NCKAP5: variants seen among roughly 807,000 people sequenced by gnomAD.
The protein encoded by NCKAP5 is nck-associated protein 5.
In NCKAP5, 92 loss-of-function variants were observed where a neutral mutation model predicts 167.0. The ratio of observed to expected loss-of-function variants is 0.55; its 90% CI spans 0.47 to 0.66. The LOEUF (loss-of-function observed/expected upper bound fraction) is 0.66, where lower values mean the gene tolerates loss of function less well. NCKAP5 is among the 30% of genes least tolerant of loss of function. The pLI, the probability that NCKAP5 is intolerant of heterozygous loss-of-function variation, is 0.00. For synonymous variants in NCKAP5, 891 were observed against 877.4 expected (o/e 1.02, Z -0.27); for missense variants, 2,378 against 2,315.0 (o/e 1.03, Z -0.56).
intron 4 of NCKAP5, among the ~76,000 whole-genome samples, chr2:133,249,943 G>A (rs1216802072): frequency 2.6e-5 from 4 of 151,508 alleles, no homozygotes; most frequent in Admixed American, 6.6e-5. Flanking sequence ...CGTAAAGAAG[G>A]CAGGTGAAGA....
chr2:133,361,956 TG>T (rs986732725), intron 3 of NCKAP5, among the ~76,000 whole-genome samples: 1 of 151,810 alleles, frequency 6.6e-6, no homozygotes, highest in Non-Finnish European at 1.5e-5. Flanking sequence ...AAAGAGTGTA[TG>T]GTAAGAAGAA....
At chr2:133,060,974 A>G (rs2079978719) in intron 6 of NCKAP5, among the ~76,000 whole-genome samples, 2 of 152,102 alleles carry the variant, frequency 1.3e-5, no homozygotes, top group South Asian at 4.2e-4. Context: ...TTGCCTACGA[A>G]GCTGCAGCTA....
At chr2:133,114,170 A>G (rs2082002562) in intron 6 of NCKAP5, among the ~76,000 whole-genome samples, 1 of 152,242 alleles carries the variant, frequency 6.6e-6, no homozygotes, top group Admixed American at 6.5e-5. Context: ...CTTGCAAATA[A>G]GAGTAATTGT....
intron 19 of NCKAP5, chr2:132,714,895 A>G: frequency 2.2e-6 from 1 of 456,178 alleles, no homozygotes; most frequent in Non-Finnish European, 4.4e-6. Flanking sequence ...GGCATTTCTA[A>G]CATACCCAGC....
intron 5 of NCKAP5, among the ~76,000 whole-genome samples, chr2:133,131,965 G>C (rs1249101784): frequency 1.6e-5 from 2 of 129,006 alleles, no homozygotes; most frequent in Non-Finnish European, 3.4e-5. Flanking sequence ...CCAGAAACAG[G>C]CCAAAAAAAA....
At chr2:133,423,875 T>C (rs528443557) in intron 3 of NCKAP5, among the ~76,000 whole-genome samples, 24 of 152,288 alleles carry the variant, frequency 1.6e-4, no homozygotes, top group African/African-American at 5.3e-4. Context: ...CTTTACAAAA[T>C]ACAAGAAAGG....
the NCKAP5 span, among the ~76,000 whole-genome samples, chr2:133,602,938 G>A: frequency 2.0e-5 from 3 of 152,200 alleles, no homozygotes; most frequent in African/African-American, 7.2e-5. Flanking sequence ...AAAATTTGTA[G>A]TCACAGGCAG....
intron 4 of NCKAP5, among the ~76,000 whole-genome samples, chr2:133,291,210 T>G (rs1359954089): frequency 2.0e-5 from 3 of 152,100 alleles, no homozygotes; most frequent in African/African-American, 2.4e-5. Flanking sequence ...TGATGAGAGA[T>G]AGAGGAATGG....
chr2:132,821,550 G>C (rs1686734200), intron 11 of NCKAP5, among the ~76,000 whole-genome samples: 1 of 152,156 alleles, frequency 6.6e-6, no homozygotes, highest in South Asian at 2.1e-4. Context: ...GAGTCCAGGG[G>C]ACCAGCAGGA....
At chr2:133,217,702 C>G (rs1426357563) in intron 4 of NCKAP5, among the ~76,000 whole-genome samples, 1 of 151,960 alleles carries the variant, frequency 6.6e-6, no homozygotes, top group African/African-American at 2.4e-5. Context: ...TTAGTAGGAA[C>G]AAAATAAATA....
At chr2:132,683,365 G>T (rs868471976) in intron 19 of NCKAP5, among the ~76,000 whole-genome samples, 1 of 152,156 alleles carries the variant, frequency 6.6e-6, no homozygotes, top group South Asian at 2.1e-4. Context: ...TGGATTAATG[G>T]AGGTCTGACT....
At chr2:133,192,050 T>C (rs2085248999) in intron 5 of NCKAP5, among the ~76,000 whole-genome samples, 1 of 152,062 alleles carries the variant, frequency 6.6e-6, no homozygotes, top group African/African-American at 2.4e-5. Flanking sequence ...CCATGACTTA[T>C]TATATTGCTG....
chr2:132,784,519 C>T lies in NCKAP5; in HGVS notation c.2292G>A (p.Val764=), dbSNP rs1380035721. The T allele has an allele frequency of 1.0e-5, 16 of 1,568,420 alleles. No individual in the cohort carries two copies. The highest frequency in any genetic ancestry group is 8.6e-7 in the Non-Finnish European group (1 of 1,158,230). The change falls in exon 14 of 20, where the codon GTG becomes GTA. Residue 764 remains valine (V), a synonymous_variant. Transcript: ENST00000409261. ...VSTESFSSRT[V]TQNPQQQKLV... ...GCTTTTGCTGCTGAGGATTTTGTGT[C>T]ACTGTCCTGGAGCTGAAAGATTCAG... is the stretch of plus-strand genomic sequence containing the variant.
chr2:133,224,896 T>C (rs1026621280), intron 4 of NCKAP5, among the ~76,000 whole-genome samples: 3 of 152,198 alleles, frequency 2.0e-5, no homozygotes, highest in Non-Finnish European at 4.4e-5. Context: ...ATATACTTCT[T>C]ATAAATCATT....
intron 5 of NCKAP5, among the ~76,000 whole-genome samples, chr2:133,167,440 C>A (rs538180000): frequency 9.3e-4 from 142 of 152,276 alleles, no homozygotes; most frequent in African/African-American, 3.3e-3. Flanking sequence ...TCACAAAGTT[C>A]TTTAGTTCAC....
At chr2:132,890,133 A>G (rs554415106) in intron 8 of NCKAP5, among the ~76,000 whole-genome samples, 2 of 152,346 alleles carry the variant, frequency 1.3e-5, no homozygotes, top group South Asian at 4.1e-4. Flanking sequence ...GTATTTCTCT[A>G]AAATACCAAT....
chr2:133,147,044 A>G (rs754580145), intron 5 of NCKAP5, among the ~76,000 whole-genome samples: 2 of 152,200 alleles, frequency 1.3e-5, no homozygotes, highest in East Asian at 3.8e-4. Flanking sequence ...TACAGACTCC[A>G]AAGTTTTTCA....
intron 12 of NCKAP5, among the ~76,000 whole-genome samples, chr2:132,794,183 T>C (rs1313062639): frequency 7.2e-6 from 1 of 139,312 alleles, no homozygotes; most frequent in Non-Finnish European, 1.6e-5. Flanking sequence ...GCTTAGGGAC[T>C]TTTACCTGGG....
intron 16 of NCKAP5, among the ~76,000 whole-genome samples, chr2:132,764,250 T>C (rs1021812945): frequency 7.2e-5 from 11 of 152,180 alleles, no homozygotes; most frequent in African/African-American, 2.7e-4. Flanking sequence ...ATATGTAATT[T>C]TATAAGCACA....
Sources: allele counts gnomAD v4.1 joint callset (sites outside exome capture counted in the v4.1 genomes callset), GRCh38; gene constraint gnomAD v4.1.1; transcripts MANE v1.5; gene names NCBI Gene and HGNC (gene_info 2026-07-23, HGNC 2026-07-21).